RGS6: variants seen among roughly 807,000 people sequenced by gnomAD.
RGS6 encodes the protein regulator of G protein signaling 6.
RGS6 carries 30 observed loss-of-function variants against 78.5 expected under a neutral mutation model. That is an observed-to-expected ratio of 0.38 (90% confidence interval 0.29 to 0.52). The LOEUF is 0.52. Ranked by LOEUF, RGS6 falls within the 20% of genes least tolerant of loss-of-function variation. The pLI is 0.85. For synonymous variants in RGS6, 206 were observed against 206.0 expected, an observed-to-expected ratio of 1.00 and a Z score of 0.00; for missense variants, 495 against 609.7, an observed-to-expected ratio of 0.81 and a Z score of 1.98.
At chr14:72,408,251 AC>A (rs2093110931) in intron 3 of RGS6, among the ~76,000 whole-genome samples, 1 of 151,980 alleles carries the variant, frequency 6.6e-6, no homozygotes. Flanking sequence ...AGATCCACAG[AC>A]CCCTGGTGGT....
chr14:71,941,801 C>A (rs1452595620), intron 1 of RGS6, among the ~76,000 whole-genome samples: 1 of 152,218 alleles, frequency 6.6e-6, no homozygotes, highest in Non-Finnish European at 1.5e-5. Flanking sequence ...TTGGGCAACA[C>A]CCACACAGAC....
chr14:72,526,128 G>A (rs2097114082), intron 15 of RGS6, among the ~76,000 whole-genome samples: 1 of 151,078 alleles, frequency 6.6e-6, no homozygotes, highest in South Asian at 2.1e-4. Flanking sequence ...TTTTGAGAAG[G>A]AATCTTGCTC....
chr14:72,187,617 T>A (rs915287293), intron 2 of RGS6, among the ~76,000 whole-genome samples: 8 of 152,168 alleles, frequency 5.3e-5, no homozygotes, highest in African/African-American at 1.9e-4. Flanking sequence ...ACCCTGATTT[T>A]AAACACCCAC....
chr14:72,153,986 G>A (rs912795787), intron 2 of RGS6, among the ~76,000 whole-genome samples: 11 of 152,222 alleles, frequency 7.2e-5, no homozygotes, highest in African/African-American at 2.4e-4. Context: ...AGACCAGGGC[G>A]TATCTCAGTC....
chr14:72,299,544 A>G (rs1250065446), intron 2 of RGS6, among the ~76,000 whole-genome samples: 1 of 152,246 alleles, frequency 6.6e-6, no homozygotes, highest in Admixed American at 6.5e-5. Flanking sequence ...TAAGCTTCTG[A>G]GGAACTGATG....
intron 2 of RGS6, among the ~76,000 whole-genome samples, chr14:72,062,607 G>C (rs1271110668): frequency 2.0e-5 from 3 of 152,202 alleles, no homozygotes; most frequent in Non-Finnish European, 1.5e-5. Context: ...AGGACTTTGT[G>C]ATTTGTTGTG....
chr14:72,230,489 C>T (rs563324653), intron 2 of RGS6, among the ~76,000 whole-genome samples: 27 of 152,258 alleles, frequency 1.8e-4, no homozygotes, highest in African/African-American at 5.5e-4. Flanking sequence ...GTGTAGAGGA[C>T]TGCTAAGAGA....
chr14:71,893,826 AT>A, the RGS6 span, among the ~76,000 whole-genome samples: 1 of 152,186 alleles, frequency 6.6e-6, no homozygotes, highest in Admixed American at 6.5e-5. Flanking sequence ...CACAAAGACA[AT>A]TTGTGCGCAG....
In RGS6 at chr14:72,024,196, A is replaced by G. The variant is rs142283270; in HGVS notation, c.84+59321A>G. The stretch of plus-strand genomic sequence containing the variant: ...AGTGACCACCAGGTGGTGCCTTCTT[A>G]AGAACAGGAGGAAATAAAATCACTC... On this transcript the variant is annotated intron_variant, in intron 2 of 17. Coordinates refer to ENST00000553525, the MANE Select transcript of RGS6 (RefSeq NM_001204424.2). Among the ~76,000 whole-genome samples, 61 of 152,326 alleles carry G rather than the reference A, an allele frequency of 4.0e-4. 1 individual carries two copies. In the East Asian group the frequency reaches 0.011, roughly 27 times the overall value.
chr14:72,239,554 GC>G (rs1325110405), intron 2 of RGS6, among the ~76,000 whole-genome samples: 1 of 152,144 alleles, frequency 6.6e-6, no homozygotes, highest in Non-Finnish European at 1.5e-5. Flanking sequence ...GCCTTCTCCT[GC>G]CCCGCTCATG....
rs149773686 is a variant in RGS6 at position 72,129,444 on chromosome 14, T to A, written c.84+164569T>A. Among the ~76,000 whole-genome samples, 448 of 152,312 alleles carry A rather than the reference T, an allele frequency of 2.9e-3. 1 individual carries two copies. Among genetic ancestry groups the A allele is most frequent in the African/African-American group, 9.8e-3 (409 of 41,570 alleles). On this transcript the variant is annotated intron_variant, in intron 2 of 17. Transcript: ENST00000553525. ...ATGAAATATGCCTTTCTCAGACTGT[T>A]CCACACACCTCACCCTGGCTGTGCC...
chr14:72,054,261 G>GGTTTT (rs138053352), intron 2 of RGS6, among the ~76,000 whole-genome samples: 3 of 150,906 alleles, frequency 2.0e-5, no homozygotes, highest in Non-Finnish European at 4.4e-5. Context: ...TTGTTTGGGA[G>GGTTTT]GTTTTGTTTT....
intron 1 of RGS6, among the ~76,000 whole-genome samples, chr14:71,963,917 CTT>C (rs948590389): frequency 6.6e-6 from 1 of 152,082 alleles, no homozygotes; most frequent in African/African-American, 2.4e-5. Flanking sequence ...CTGTGTTCAA[CTT>C]TTTTGAGGAA....
chr14:71,968,727 G>C (rs1213084824), intron 2 of RGS6, among the ~76,000 whole-genome samples: 1 of 152,200 alleles, frequency 6.6e-6, no homozygotes, highest in Non-Finnish European at 1.5e-5. Flanking sequence ...GAGCTGAGTA[G>C]CCATGGGGCA....
At chr14:72,437,546 C>T (rs111926034) in intron 3 of RGS6, among the ~76,000 whole-genome samples, 2,747 of 152,150 alleles carry the variant, frequency 0.018, 41 homozygotes, top group Non-Finnish European at 0.028. Context: ...GTAACCAGCA[C>T]CTGGGGGCAG....
the RGS6 span, among the ~76,000 whole-genome samples, chr14:71,882,309 T>C: frequency 1.3e-5 from 2 of 152,350 alleles, 1 homozygote; most frequent in South Asian, 4.1e-4. Flanking sequence ...AATATTCCAT[T>C]GTATGTGTAT....
upstream of RGS6, among the ~76,000 whole-genome samples, chr14:71,927,451 C>T (rs1315933884): frequency 2.0e-5 from 3 of 151,970 alleles, no homozygotes; most frequent in Non-Finnish European, 4.4e-5. Flanking sequence ...AAAAAAAATC[C>T]ACTTCACACT....
chr14:71,960,059 G>A (rs1000563356), intron 1 of RGS6, among the ~76,000 whole-genome samples: 1 of 152,112 alleles, frequency 6.6e-6, no homozygotes, highest in Admixed American at 6.5e-5. Context: ...CGAACCCTAG[G>A]CTTTGCTTGT....
chr14:72,074,843 A>G (rs893794391), intron 2 of RGS6, among the ~76,000 whole-genome samples: 1 of 151,700 alleles, frequency 6.6e-6, no homozygotes, highest in African/African-American at 2.4e-5. Context: ...TTTTTTCTTT[A>G]AACTATTTGA....
Sources: gnomAD v4.1 joint callset for allele counts (sites outside exome capture counted in the v4.1 genomes callset) on GRCh38, gnomAD v4.1.1 for gene constraint, MANE v1.5 for transcripts, NCBI Gene and HGNC (gene_info 2026-07-23, HGNC 2026-07-21) for gene names.